Variants in BCO1 observed in about 807,000 individuals in gnomAD.
The protein encoded by BCO1 is beta-carotene oxygenase 1, also known as beta,beta-carotene 15,15'-dioxygenase.
BCO1 carries 54 observed loss-of-function variants against 56.3 expected under a neutral mutation model. That is an observed-to-expected ratio of 0.96 (90% CI 0.77 to 1.20). The LOEUF (loss-of-function observed/expected upper bound fraction) is 1.20. BCO1 is among the 50% of genes most tolerant of loss of function. The pLI is 0.00. For synonymous variants in BCO1, 318 were observed against 266.1 expected (o/e 1.20, Z -1.90); for missense variants, 801 against 690.9 (o/e 1.16, Z -1.79).
At chr16:81,246,395 G>A (rs1905418444) in intron 2 of BCO1, among the ~76,000 whole-genome samples, 1 of 152,186 alleles carries the variant, frequency 6.6e-6, no homozygotes, top group Non-Finnish European at 1.5e-5. Flanking sequence ...TGTCAGGGGT[G>A]CATTATTCAG....
chr16:81,286,357 C>G (rs1451964574), intron 9 of BCO1, among the ~76,000 whole-genome samples: 1 of 151,988 alleles, frequency 6.6e-6, no homozygotes, highest in East Asian at 1.9e-4. Flanking sequence ...AAAAATTAAG[C>G]CTCCACCCCT....
intron 2 of BCO1, among the ~76,000 whole-genome samples, chr16:81,257,092 C>T (rs908315874): frequency 2.0e-5 from 3 of 152,122 alleles, no homozygotes; most frequent in Non-Finnish European, 2.9e-5. Context: ...GACAGCTCTG[C>T]CCTCTCTCCC....
intron 2 of BCO1, among the ~76,000 whole-genome samples, chr16:81,254,999 T>C (rs1326130102): frequency 6.6e-6 from 1 of 152,142 alleles, no homozygotes; most frequent in Admixed American, 6.6e-5. Flanking sequence ...GCCCAAGTAG[T>C]CTTGAACTCC....
intron 7 of BCO1, among the ~76,000 whole-genome samples, chr16:81,270,692 C>CTCTGTGTG (rs146010684): frequency 0.036 from 5,103 of 143,716 alleles, 338 homozygotes; most frequent in East Asian, 0.27. Context: ...CTCTCTGTGT[C>CTCTGTGTG]TGTGTGTGTG....
intron 2 of BCO1, among the ~76,000 whole-genome samples, chr16:81,257,206 T>C (rs1426704846): frequency 6.6e-6 from 1 of 152,126 alleles, no homozygotes; most frequent in Non-Finnish European, 1.5e-5. Context: ...AAGGACCTCC[T>C]CTCACCCCTG....
At chr16:81,250,886 G>A (rs912543199) in intron 2 of BCO1, among the ~76,000 whole-genome samples, 2 of 152,102 alleles carry the variant, frequency 1.3e-5, no homozygotes, top group African/African-American at 4.8e-5. Flanking sequence ...TGGCCATTCA[G>A]TAAAGCTTTG....
intron 2 of BCO1, among the ~76,000 whole-genome samples, chr16:81,257,201 C>G (rs1906193621): frequency 6.6e-6 from 1 of 152,148 alleles, no homozygotes; most frequent in African/African-American, 2.4e-5. Context: ...CTGGGAAGGA[C>G]CTCCTCTCAC....
Position 81,264,765 on chromosome 16 carries a change from T to C in BCO1, c.597T>C (p.Phe199=), listed in dbSNP as rs200531385. 11 of 1,614,184 alleles carry C rather than the reference T, an allele frequency of 6.8e-6. No individual in the cohort carries two copies. In the East Asian group the frequency reaches 2.5e-4, roughly 36 times the overall value. The change falls in exon 5 of 11, where the codon TTT becomes TTC. Residue 199 remains phenylalanine (F), a synonymous_variant. Transcript: ENST00000258168. ...AGGGGAAGACAAAGTATGTGATTTT[T>C]AAGATCCCTGCCACAGTACCAGGTA... ...VEKGKTKYVI[F]KIPATVPEGK... is the part of the protein sequence containing the mutation.
intron 6 of BCO1, among the ~76,000 whole-genome samples, chr16:81,269,542 A>G (rs1294853883): frequency 1.3e-5 from 2 of 152,090 alleles, no homozygotes; most frequent in East Asian, 3.9e-4. Context: ...TTCTTGGCTC[A>G]CTGCACCCTC....
At position 81,264,532 on chromosome 16, in the gene BCO1, G is replaced by A. The variant is rs1390906630; in HGVS notation, c.472-108G>A. 1.4e-5 allele frequency: 19 copies of A among 1,338,810 alleles called. No individual in the cohort carries two copies. In the East Asian group the frequency reaches 1.8e-4, roughly 13 times the overall value. The allele number at this position is 1,338,810 out of a possible 1,614,324, so 82.9% of individuals were successfully genotyped here. ...TCTCTCTGAACCTAGAATCAGTCACGTTTTCATAGGACTTCAACCTTTCTC... is the reference window on the plus strand; with the variant it reads ...TCTCTCTGAACCTAGAATCAGTCACATTTTCATAGGACTTCAACCTTTCTC... On this transcript the variant is annotated intron_variant, in intron 4 of 10. Coordinates refer to ENST00000258168, the MANE Select transcript of BCO1 (RefSeq NM_017429.3).
chr16:81,268,177 G>A (rs1268254299), intron 6 of BCO1, 46 bp downstream of exon 6: 2 of 1,549,254 alleles, frequency 1.3e-6, no homozygotes, highest in Non-Finnish European at 1.8e-6. Context: ...GGCTGACCAT[G>A]GAGGGAGGCT....
intron 9 of BCO1, 104 bp downstream of exon 9, chr16:81,285,738 G>A: frequency 1.1e-6 from 1 of 872,146 alleles, no homozygotes; most frequent in Non-Finnish European, 1.9e-6. Context: ...GAGGAGGTCA[G>A]AAGGAGTAAG....
intron 2 of BCO1, among the ~76,000 whole-genome samples, chr16:81,253,527 T>G (rs1223211183): frequency 2.6e-5 from 4 of 152,200 alleles, no homozygotes; most frequent in Non-Finnish European, 5.9e-5. Flanking sequence ...CATTGTTATA[T>G]TTTCACTCCT....
intron 6 of BCO1, 83 bp downstream of exon 6, chr16:81,268,214 C>G: frequency 7.7e-7 from 1 of 1,291,366 alleles, no homozygotes; most frequent in Non-Finnish European, 1.1e-6. Flanking sequence ...AAGTTTAAGG[C>G]AAGGAAGTGG....
chr16:81,273,122 A>T (rs1161410466), intron 7 of BCO1, among the ~76,000 whole-genome samples: 1 of 152,200 alleles, frequency 6.6e-6, no homozygotes, highest in African/African-American at 2.4e-5. Flanking sequence ...GGCATGTGCC[A>T]GCACACACAG....
chr16:81,239,250 C>G (rs1014587270), intron 1 of BCO1, among the ~76,000 whole-genome samples: 1 of 152,068 alleles, frequency 6.6e-6, no homozygotes, highest in Non-Finnish European at 1.5e-5. Context: ...CTCCTAGCCT[C>G]AAGTGATCCA....
intron 2 of BCO1, among the ~76,000 whole-genome samples, chr16:81,257,949 G>C (rs1906248142): frequency 6.6e-6 from 1 of 151,888 alleles, no homozygotes; most frequent in Admixed American, 6.6e-5. Flanking sequence ...TGGGGGAGGT[G>C]ATCTGACATT....
intron 7 of BCO1, among the ~76,000 whole-genome samples, chr16:81,271,620 C>T (rs942565325): frequency 3.9e-5 from 6 of 152,166 alleles, no homozygotes; most frequent in East Asian, 1.9e-4. Context: ...CTAGACATCA[C>T]GTATAAATGG....
intron 7 of BCO1, among the ~76,000 whole-genome samples, chr16:81,274,147 G>A (rs1014241452): frequency 3.9e-5 from 6 of 151,948 alleles, no homozygotes; most frequent in African/African-American, 1.5e-4. Context: ...AGTACACAGA[G>A]AGGAACATAC....
Sources: allele counts gnomAD v4.1 joint callset (sites outside exome capture counted in the v4.1 genomes callset), GRCh38; gene constraint gnomAD v4.1.1; transcripts MANE v1.5; gene names NCBI Gene and HGNC (gene_info 2026-07-23, HGNC 2026-07-21).